Variants in RNF17 observed in about 807,000 individuals in gnomAD.
RNF17 encodes spermatogenesis associated 23.
A neutral mutation model predicts 200.5 loss-of-function variants in RNF17; 31 were observed. The observed-to-expected ratio is 0.15, with a 90% CI of 0.12 to 0.21. The LOEUF (loss-of-function observed/expected upper bound fraction) is 0.21, where lower values mean the gene tolerates loss of function less well. Ranked by LOEUF, RNF17 falls within the 10% of genes least tolerant of loss-of-function variation. The pLI, the probability that RNF17 is intolerant of heterozygous loss-of-function variation, is 1.00. For missense variants in RNF17, 1,628 were observed against 1,905.1 expected, an observed-to-expected ratio of 0.85 and a Z score of 2.71; for synonymous variants, 606 against 637.8, an observed-to-expected ratio of 0.95 and a Z score of 0.75.
intron 2 of RNF17, among the ~76,000 whole-genome samples, chr13:24,774,383 T>C (rs1881258230): frequency 6.6e-6 from 1 of 152,196 alleles, no homozygotes; most frequent in South Asian, 2.1e-4. Context: ...CTAATTTTTG[T>C]ATTTTTAGTA....
chr13:24,751,630 A>G, the RNF17 span: 2 of 152,172 alleles, frequency 1.3e-5, no homozygotes, highest in Admixed American at 6.6e-5. Context: ...AGTCTTCATC[A>G]TCTAGTTTAC....
the RNF17 span, among the ~76,000 whole-genome samples, chr13:24,758,852 G>A: frequency 0.15 from 22,364 of 151,848 alleles, 1,766 homozygotes; most frequent in South Asian, 0.27. Flanking sequence ...CAAGGTGGGC[G>A]GATCACAAGG....
In RNF17 at chr13:24,825,654, A is replaced by G. The variant is rs1267740845; in HGVS notation, c.2127A>G (p.Thr709=). 1 of 1,604,130 alleles carries G rather than the reference A, an allele frequency of 6.2e-7. No homozygotes were observed. ...TGGATATTTTATTTCTATTAAAGAC[A>G]ATCGAGGAATTCTATAAAAGTGAAG... ...EGLDILFLLK[T]IEEFYKSEDG... Residue 709 remains threonine (T), a synonymous_variant, in exon 16 of 36, where the codon ACA becomes ACG. Transcript: ENST00000255324.
chr13:24,811,956 G>T (rs1266825338), intron 15 of RNF17, among the ~76,000 whole-genome samples: 4 of 152,054 alleles, frequency 2.6e-5, no homozygotes, highest in African/African-American at 4.8e-5. Context: ...GGCTGCTCGG[G>T]GGTCAGGGGT....
At chr13:24,881,929 TATAG>T (rs1953849868), downstream of RNF17, among the ~76,000 whole-genome samples, 3 of 114,326 alleles carry the variant, frequency 2.6e-5, no homozygotes, top group South Asian at 8.1e-4. Context: ...TATATAGATA[TATAG>T]ATACATCTAT....
At chr13:24,868,852 C>G (rs1893956581) in intron 31 of RNF17, 136 bp downstream of exon 31, 1 of 639,842 alleles carries the variant, frequency 1.6e-6, no homozygotes. Flanking sequence ...GTTTGCCCCA[C>G]CCTATAATAT....
chr13:24,764,185 C>A lies in RNF17; in HGVS notation c.-19C>A. On this transcript the variant is annotated 5_prime_UTR_variant, in exon 1 of 36. Transcript: ENST00000255324. Reference sequence around the variant, plus strand: ...CCGGGACTCGCACTCGGCGGTTGTTCCAGAAGAAAGAGACAGCGATGGCGG... The same window carrying A: ...CCGGGACTCGCACTCGGCGGTTGTTACAGAAGAAAGAGACAGCGATGGCGG... The A allele has an allele frequency of 1.3e-6, 2 of 1,573,142 alleles. No homozygotes were observed. The highest frequency in any genetic ancestry group is 1.7e-6 in the Non-Finnish European group (2 of 1,150,010).
downstream of RNF17, among the ~76,000 whole-genome samples, chr13:24,880,257 GA>G (rs1315468086): frequency 6.6e-6 from 1 of 152,148 alleles, no homozygotes; most frequent in Non-Finnish European, 1.5e-5. Flanking sequence ...GCAAAGGGGG[GA>G]AACGCCCCTT....
intron 15 of RNF17, among the ~76,000 whole-genome samples, chr13:24,819,401 A>G (rs1262520717): frequency 6.6e-6 from 1 of 152,200 alleles, no homozygotes; most frequent in African/African-American, 2.4e-5. Context: ...TTGTATGTAT[A>G]TACTGCATTT....
At position 24,774,900 on chromosome 13, in the gene RNF17, A is replaced by G. The variant is rs139046830; in HGVS notation, c.313A>G (p.Lys105Glu). Residue 105 changes from lysine to glutamate, a missense_variant, in exon 3 of 36, where the codon AAG (lysine) becomes GAG (glutamate). Coordinates refer to ENST00000255324, the MANE Select transcript of RNF17 (RefSeq NM_031277.3). The stretch of plus-strand genomic sequence containing the variant: ...CTCCATAATGGAAAAACTGCAGCCT[A>G]AGACGTATGTTCCATGTGTACTTAT... Reference protein sequence around the residue: ...EDSIMEKLQPKTIKNCSQDFK... With the variant: ...EDSIMEKLQPETIKNCSQDFK... 7.6e-6 allele frequency: 12 copies of G among 1,580,474 alleles called. No homozygotes were observed. The highest frequency in any genetic ancestry group is 1.0e-5 in the Non-Finnish European group (12 of 1,149,900).
At chr13:24,877,690 A>C (rs571835066) in intron 34 of RNF17, among the ~76,000 whole-genome samples, 1 of 151,148 alleles carries the variant, frequency 6.6e-6, no homozygotes, top group Admixed American at 6.6e-5. Flanking sequence ...TGCATCCTAA[A>C]AGAAGAGTGG....
chr13:24,886,396 G>C, the RNF17 span: 1 of 1,285,216 alleles, frequency 7.8e-7, no homozygotes, highest in East Asian at 5.6e-5. Context: ...CTGTGAGACA[G>C]GAATGGTTCC....
At chr13:24,807,037 C>G (rs1468459121) in intron 15 of RNF17, among the ~76,000 whole-genome samples, 5 of 151,706 alleles carry the variant, frequency 3.3e-5, no homozygotes, top group Non-Finnish European at 5.9e-5. Context: ...TTTTCTTAAT[C>G]CAGTCTATCA....
upstream of RNF17, among the ~76,000 whole-genome samples, chr13:24,761,871 T>C (rs1265496806): frequency 6.6e-6 from 1 of 152,190 alleles, no homozygotes; most frequent in African/African-American, 2.4e-5. Context: ...CAAAGGCATC[T>C]CTGATGAAAC....
chr13:24,840,807 T>A (rs1412698132), intron 18 of RNF17, among the ~76,000 whole-genome samples: 1 of 152,088 alleles, frequency 6.6e-6, no homozygotes, highest in African/African-American at 2.4e-5. Flanking sequence ...GGGTGATGGG[T>A]GCACCAAAAT....
intron 18 of RNF17, among the ~76,000 whole-genome samples, chr13:24,840,915 A>G (rs1185840783): frequency 6.6e-6 from 1 of 152,184 alleles, no homozygotes; most frequent in Non-Finnish European, 1.5e-5. Flanking sequence ...TTTTAAATGT[A>G]TACTGTTATA....
downstream of RNF17, among the ~76,000 whole-genome samples, chr13:24,881,329 C>T (rs150217347): frequency 0.016 from 2,488 of 151,748 alleles, 67 homozygotes; most frequent in East Asian, 0.08. Flanking sequence ...TTAGTAGAGA[C>T]GGGGTTTCAT....
intron 15 of RNF17, chr13:24,824,171 C>T (rs1222820725): frequency 1.4e-6 from 1 of 709,710 alleles, no homozygotes; most frequent in Non-Finnish European, 2.6e-6. Flanking sequence ...TTCTTGGTTA[C>T]TGTAAACTTT....
Position 24,851,874 on chromosome 13 carries a change from A to T in RNF17, c.3320+303A>T, listed in dbSNP as rs79138750. Among the ~76,000 whole-genome samples the T allele has an allele frequency of 5.3e-3, 809 of 152,320 alleles. 22 individuals are homozygous for T. The East Asian group carries it at 0.081, about 15-fold the overall frequency. On this transcript the variant is annotated intron_variant, in intron 24 of 35. Coordinates refer to ENST00000255324, the MANE Select transcript of RNF17 (RefSeq NM_031277.3). ...AAGAGAACAATGTAGTGGATACCAG[A>T]TCTGAGCCCTTTGGTATCCTTTACT...
Sources: gnomAD v4.1 joint callset for allele counts (sites outside exome capture counted in the v4.1 genomes callset) on GRCh38, gnomAD v4.1.1 for gene constraint, MANE v1.5 for transcripts, NCBI Gene and HGNC (gene_info 2026-07-23, HGNC 2026-07-21) for gene names.